ZNF37A: variants seen among roughly 807,000 people sequenced by gnomAD.
The protein encoded by ZNF37A is zinc finger protein 37a (KOX 21).
A neutral mutation model predicts 12.3 loss-of-function variants in ZNF37A; 10 were observed. The ratio of observed to expected loss-of-function variants is 0.82; its 90% confidence interval spans 0.50 to 1.38. The LOEUF (loss-of-function observed/expected upper bound fraction) is 1.38. ZNF37A is among the 40% of genes most tolerant of loss of function. The probability of loss-of-function intolerance (pLI) is 0.00; values close to 1 mark genes in which losing one functional copy is unlikely to be tolerated. For synonymous variants in ZNF37A, 207 were observed against 223.0 expected (o/e 0.93, Z 0.64); for missense variants, 580 against 651.2 (o/e 0.89, Z 1.19).
chr10:38,116,468 A>G, intron 7 of ZNF37A, among the ~76,000 whole-genome samples: 1 of 151,670 alleles, frequency 6.6e-6, no homozygotes, highest in East Asian at 1.9e-4. Context: ...TGACAATGGA[A>G]AAACAATCAG....
At chr10:38,130,156 T>G (rs2070002263), downstream of ZNF37A, among the ~76,000 whole-genome samples, 1 of 152,216 alleles carries the variant, frequency 6.6e-6, no homozygotes, top group African/African-American at 2.4e-5. Flanking sequence ...TCTGGATTAT[T>G]TCTCTAAGCA....
intron 7 of ZNF37A, chr10:38,138,992 C>T (rs1030493468): frequency 2.0e-5 from 3 of 152,128 alleles, no homozygotes; most frequent in African/African-American, 7.2e-5. Flanking sequence ...TTTTTTATAG[C>T]ATCATTTTAG....
At chr10:38,126,690 C>T (rs974041768), downstream of ZNF37A, among the ~76,000 whole-genome samples, 6 of 152,310 alleles carry the variant, frequency 3.9e-5, no homozygotes, top group East Asian at 1.9e-4. Flanking sequence ...CTGCTGTGAT[C>T]GGGCAGTTCA....
In ZNF37A at chr10:38,121,780, G is replaced by A. The variant is rs113810774; in HGVS notation, c.*2943G>A. On this transcript the variant is annotated 3_prime_UTR_variant, in exon 8 of 8. Coordinates refer to ENST00000685332, the MANE Select transcript of ZNF37A (RefSeq NM_001324250.3). ...GCATATATTTTGTGTTCATTCTACT[G>A]AGAGGACCTAAACACAATGACACCT... 70 of 152,240 alleles carry A rather than the reference G, an allele frequency of 4.6e-4. No individual in the cohort carries two copies. Among genetic ancestry groups the A allele is most frequent in the African/African-American group, 1.6e-3 (66 of 41,534 alleles). The allele number at this position is 152,240 out of a possible 1,614,324, so 9.4% of individuals were successfully genotyped here. A position where few individuals can be genotyped will look rare whatever the true frequency, so the allele number is the denominator to read the frequency against.
chr10:38,142,852 A>G (rs564241429), intron 7 of ZNF37A: 13 of 152,310 alleles, frequency 8.5e-5, no homozygotes, highest in African/African-American at 3.1e-4. Flanking sequence ...ACTTTACAAC[A>G]TAATTTACAT....
In ZNF37A at chr10:38,124,425, A is replaced by G. The variant is rs1010264449; in HGVS notation, c.*5588A>G. 2 of 152,208 alleles carry G rather than the reference A, an allele frequency of 1.3e-5. No individual in the cohort carries two copies. Among genetic ancestry groups the G allele is most frequent in the South Asian group, 2.1e-4 (1 of 4,828 alleles). 9.4% of individuals were successfully genotyped at this position (152,208 alleles called of 1,614,324 possible). A position where few individuals can be genotyped will look rare whatever the true frequency, so the allele number is the denominator to read the frequency against. On this transcript the variant is annotated 3_prime_UTR_variant, in exon 8 of 8. Coordinates refer to ENST00000685332, the MANE Select transcript of ZNF37A (RefSeq NM_001324250.3). ...TGATAGCACAAGGTTACTACAGTCA[A>G]TAATAATTGTGCATTTTAAAGGTAT...
intron 7 of ZNF37A, among the ~76,000 whole-genome samples, chr10:38,135,279 G>A (rs1389973428): frequency 6.6e-6 from 1 of 152,234 alleles, no homozygotes; most frequent in Non-Finnish European, 1.5e-5. Context: ...CAGCTACTCA[G>A]GAGGCTGAGG....
At chr10:38,114,308 T>G (rs1454253622) in intron 5 of ZNF37A, among the ~76,000 whole-genome samples, 1 of 152,232 alleles carries the variant, frequency 6.6e-6, no homozygotes, top group African/African-American at 2.4e-5. Flanking sequence ...GAACTAAAGT[T>G]TTATCACTTT....
At chr10:38,104,101 C>T (rs1284747421) in intron 5 of ZNF37A, among the ~76,000 whole-genome samples, 1 of 152,186 alleles carries the variant, frequency 6.6e-6, no homozygotes, top group Non-Finnish European at 1.5e-5. Context: ...CTTATCCCCA[C>T]CCCTGGCCCC....
Position 38,095,649 on chromosome 10 carries a change from A to G in ZNF37A, c.-106+20A>G, listed in dbSNP as rs761957536. The G allele has an allele frequency of 2.0e-5, 3 of 152,220 alleles. No homozygotes were observed. The highest frequency in any genetic ancestry group is 4.4e-5 in the Non-Finnish European group (3 of 68,040). 9.4% of individuals were successfully genotyped at this position (152,220 alleles called of 1,614,324 possible). Reference sequence around the variant, plus strand: ...AGAAAGGTCTGTAAGTTATCTATTTACGCTTTATTTAAAAGATGGGATGGG... The same window carrying G: ...AGAAAGGTCTGTAAGTTATCTATTTGCGCTTTATTTAAAAGATGGGATGGG... On this transcript the variant is annotated intron_variant, in intron 3 of 7. Coordinates refer to ENST00000685332, the MANE Select transcript of ZNF37A (RefSeq NM_001324250.3).
chr10:38,112,755 CTTTTCTTTTCTTT>C (rs1564932043), intron 5 of ZNF37A, among the ~76,000 whole-genome samples: 17 of 51,428 alleles, frequency 3.3e-4, no homozygotes, highest in African/African-American at 8.4e-4. Context: ...CTTTTCTTTT[CTTTTCTTTTCTTT>C]TCTTTTCTTT....
chr10:38,101,277 A>G lies in ZNF37A; in HGVS notation c.15+4645A>G, dbSNP rs148171693. Among the ~76,000 whole-genome samples, 1,087 of 152,074 alleles carry G rather than the reference A, an allele frequency of 7.1e-3. 16 individuals are homozygous for G. Among genetic ancestry groups the G allele is most frequent in the African/African-American group, 0.025 (1,032 of 41,494 alleles). ...TATAATGTCAAGAATCCATTCTCCA[A>G]TGTGTTCTGTCATGAGTTTTGTAAC... On this transcript the variant is annotated intron_variant, in intron 5 of 7. Transcript: ENST00000685332.
At position 38,117,648 on chromosome 10, in the gene ZNF37A, G is replaced by A; in HGVS notation, c.497G>A (p.Arg166Lys). Residue 166 changes from arginine (R) to lysine (K), a missense_variant, in exon 8 of 8, where the codon AGA (arginine) becomes AAA (lysine). Coordinates refer to ENST00000685332, the MANE Select transcript of ZNF37A (RefSeq NM_001324250.3). ...PENSLFLVHK[R>K]GYTGQKTCKY... ...AATTCACTCTTCCTTGTACATAAGA[G>A]AGGTTACACAGGACAGAAAACCTGC... The A allele has an allele frequency of 6.2e-7, 1 of 1,613,970 alleles. No individual in the cohort carries two copies. Among genetic ancestry groups the A allele is most frequent in the Non-Finnish European group, 8.5e-7 (1 of 1,179,972 alleles).
At position 38,118,411 on chromosome 10, in the gene ZNF37A, C is replaced by T; in HGVS notation, c.1260C>T (p.Phe420=). 1.9e-6 allele frequency: 3 copies of T among 1,613,908 alleles called. No homozygotes were observed. The highest frequency in any genetic ancestry group is 2.5e-6 in the Non-Finnish European group (3 of 1,179,974). Reference sequence around the variant, plus strand: ...AATGTAATGAATGTGGGAAGTCATTCTCTGAGAAGTCAACCCTTACTAAAC... The same window carrying T: ...AATGTAATGAATGTGGGAAGTCATTTTCTGAGAAGTCAACCCTTACTAAAC... ...PYECNECGKS[F]SEKSTLTKHL... The change falls in exon 8 of 8, where the codon TTC becomes TTT. Residue 420 remains phenylalanine, a synonymous_variant. Transcript: ENST00000685332.
At chr10:38,146,213 C>G (rs890646212) in intron 7 of ZNF37A, among the ~76,000 whole-genome samples, 2 of 152,202 alleles carry the variant, frequency 1.3e-5, no homozygotes, top group Non-Finnish European at 1.5e-5. Context: ...CAGAGCCAGG[C>G]ACATTTCCCT....
At chr10:38,146,524 A>G (rs2070256931) in intron 7 of ZNF37A, among the ~76,000 whole-genome samples, 1 of 152,206 alleles carries the variant, frequency 6.6e-6, no homozygotes, top group East Asian at 1.9e-4. Flanking sequence ...AGAGACAATG[A>G]CAAAGATACT....
chr10:38,149,557 A>G (rs1243664441), exon 8 of ZNF37A: 1 of 137,298 alleles, frequency 7.3e-6, no homozygotes, highest in Non-Finnish European at 1.5e-5. Flanking sequence ...ACCTTCCAAC[A>G]TTCTACAGTT....
chr10:38,145,780 A>C (rs1349726534), intron 7 of ZNF37A, among the ~76,000 whole-genome samples: 2 of 152,196 alleles, frequency 1.3e-5, no homozygotes, highest in African/African-American at 4.8e-5. Flanking sequence ...TATATCTATA[A>C]AACTGTTTTT....
intron 7 of ZNF37A, chr10:38,142,885 A>G (rs1464061849): frequency 1.3e-5 from 2 of 152,200 alleles, no homozygotes; most frequent in African/African-American, 2.4e-5. Context: ...ATATCAGACC[A>G]TGGAGTAATT....
Sources: gnomAD v4.1 joint callset for allele counts (sites outside exome capture counted in the v4.1 genomes callset) on GRCh38, gnomAD v4.1.1 for gene constraint, MANE v1.5 for transcripts, NCBI Gene and HGNC (gene_info 2026-07-23, HGNC 2026-07-21) for gene names.